Variants in HTR1F observed in about 807,000 individuals in gnomAD.
HTR1F encodes the protein 5-hydroxytryptamine receptor 1F, also known as 5-hydroxytryptamine (serotonin) receptor 1F, G protein-coupled.
HTR1F carries 17 observed loss-of-function variants against 24.0 expected under a neutral mutation model. That is an observed-to-expected ratio of 0.71 (90% CI 0.48 to 1.06). The LOEUF (loss-of-function observed/expected upper bound fraction) is 1.06, where lower values mean the gene tolerates loss of function less well. Ranked by LOEUF, HTR1F falls within the 50% of genes least tolerant of loss-of-function variation. The pLI is 0.00. For synonymous variants in HTR1F, 186 were observed against 156.8 expected (o/e 1.19, Z -1.39); for missense variants, 391 against 427.8 (o/e 0.91, Z 0.76).
intron 2 of HTR1F, among the ~76,000 whole-genome samples, chr3:87,868,352 A>G (rs1705472396): frequency 6.6e-6 from 1 of 152,056 alleles, no homozygotes; most frequent in Non-Finnish European, 1.5e-5. Context: ...TGAAATTTGA[A>G]TTAGATGTGA....
chr3:87,980,589 G>A (rs141790126), intron 2 of HTR1F, among the ~76,000 whole-genome samples: 2 of 152,202 alleles, frequency 1.3e-5, no homozygotes, highest in African/African-American at 4.8e-5. Flanking sequence ...TTGAACATGG[G>A]GTTTCACTGG....
chr3:87,972,535 A>G (rs1239203654), intron 2 of HTR1F, among the ~76,000 whole-genome samples: 3 of 152,196 alleles, frequency 2.0e-5, no homozygotes, highest in Non-Finnish European at 4.4e-5. Flanking sequence ...TCTGCCTTCT[A>G]GACAACTAGA....
At chr3:87,841,718 G>T (rs1474623353) in intron 2 of HTR1F, among the ~76,000 whole-genome samples, 1 of 151,290 alleles carries the variant, frequency 6.6e-6, no homozygotes, top group East Asian at 1.9e-4. Flanking sequence ...TGGCCGACAT[G>T]GTGAAACCCC....
At chr3:87,839,012 A>ATTTTTT (rs1559600487) in intron 2 of HTR1F, among the ~76,000 whole-genome samples, 1 of 142,946 alleles carries the variant, frequency 7.0e-6, no homozygotes, top group Non-Finnish European at 1.5e-5. Context: ...TATTTATTTT[A>ATTTTTT]TTTTTATTTT....
chr3:87,962,485 CTTAA>C (rs1373138528), intron 2 of HTR1F, among the ~76,000 whole-genome samples: 3 of 151,946 alleles, frequency 2.0e-5, no homozygotes, highest in Admixed American at 2.0e-4. Flanking sequence ...CTTCATTATA[CTTAA>C]GTCAACATGT....
At chr3:87,944,096 C>T (rs1386763045) in intron 2 of HTR1F, among the ~76,000 whole-genome samples, 1 of 152,128 alleles carries the variant, frequency 6.6e-6, no homozygotes, top group Non-Finnish European at 1.5e-5. Flanking sequence ...AGTAGTCCTG[C>T]ACCTGTTTTT....
At chr3:87,811,413 A>C (rs923272495) in intron 1 of HTR1F, among the ~76,000 whole-genome samples, 2 of 152,238 alleles carry the variant, frequency 1.3e-5, no homozygotes, top group Admixed American at 6.5e-5. Context: ...AAAAAGTCGA[A>C]ATTAATGGGC....
chr3:87,797,361 C>G (rs1218746006), intron 1 of HTR1F, among the ~76,000 whole-genome samples: 1 of 152,120 alleles, frequency 6.6e-6, no homozygotes, highest in Non-Finnish European at 1.5e-5. Context: ...TATTAGGCAG[C>G]TTTCCATATG....
chr3:87,818,176 A>G (rs2107116329), intron 1 of HTR1F, among the ~76,000 whole-genome samples: 1 of 152,310 alleles, frequency 6.6e-6, no homozygotes, highest in Admixed American at 6.5e-5. Context: ...TACAACCTGC[A>G]AAGAGCTGTG....
chr3:87,973,367 C>A (rs1334525729), intron 2 of HTR1F, among the ~76,000 whole-genome samples: 1 of 152,110 alleles, frequency 6.6e-6, no homozygotes, highest in Non-Finnish European at 1.5e-5. Context: ...TATAACTTTG[C>A]AAATTCTATT....
chr3:87,881,500 A>G (rs1314472809), intron 2 of HTR1F, among the ~76,000 whole-genome samples: 4 of 152,184 alleles, frequency 2.6e-5, no homozygotes, highest in Non-Finnish European at 4.4e-5. Flanking sequence ...CTCTGGGGGC[A>G]GGGAATGGCT....
chr3:87,827,810 G>A (rs868210414), intron 2 of HTR1F, among the ~76,000 whole-genome samples: 1 of 152,120 alleles, frequency 6.6e-6, no homozygotes, highest in Non-Finnish European at 1.5e-5. Context: ...AAAAGGGTGA[G>A]GTGATCTAGG....
chr3:87,903,768 T>G (rs1164811864), intron 2 of HTR1F, among the ~76,000 whole-genome samples: 1 of 152,158 alleles, frequency 6.6e-6, no homozygotes, highest in Non-Finnish European at 1.5e-5. Context: ...AGCCATCCCA[T>G]TACTGGGTAT....
intron 1 of HTR1F, among the ~76,000 whole-genome samples, chr3:87,808,635 T>G (rs1704111130): frequency 6.6e-6 from 1 of 151,924 alleles, no homozygotes; most frequent in Non-Finnish European, 1.5e-5. Flanking sequence ...TCTTTATTAT[T>G]TCTTTCTTTC....
chr3:87,947,586 C>T (rs1017673150), intron 2 of HTR1F, among the ~76,000 whole-genome samples: 2 of 152,052 alleles, frequency 1.3e-5, no homozygotes, highest in African/African-American at 4.8e-5. Context: ...GAGAGAGCAT[C>T]TATAGCATGG....
At chr3:87,846,413 G>A (rs1350933386) in intron 2 of HTR1F, among the ~76,000 whole-genome samples, 1 of 151,332 alleles carries the variant, frequency 6.6e-6, no homozygotes, top group Non-Finnish European at 1.5e-5. Context: ...CTCCACCCTG[G>A]GTGACAGAGC....
intron 2 of HTR1F, among the ~76,000 whole-genome samples, chr3:87,846,006 TCA>T (rs1273839909): frequency 6.6e-6 from 1 of 151,950 alleles, no homozygotes; most frequent in Non-Finnish European, 1.5e-5. Flanking sequence ...GATGGCACAC[TCA>T]CTATGTGCTA....
At chr3:87,912,804 T>C (rs1284685304) in intron 2 of HTR1F, among the ~76,000 whole-genome samples, 1 of 152,078 alleles carries the variant, frequency 6.6e-6, no homozygotes, top group African/African-American at 2.4e-5. Context: ...AATCATCTGA[T>C]CTTTGACAAA....
chr3:87,941,081 G>T (rs79511013), intron 2 of HTR1F, among the ~76,000 whole-genome samples: 1,974 of 152,240 alleles, frequency 0.013, 20 homozygotes, highest in Non-Finnish European at 0.019. Flanking sequence ...GCTTTTTTCT[G>T]TGACATATAA....
Sources: gnomAD v4.1 joint callset for allele counts (sites outside exome capture counted in the v4.1 genomes callset) on GRCh38, gnomAD v4.1.1 for gene constraint, MANE v1.5 for transcripts, NCBI Gene and HGNC (gene_info 2026-07-23, HGNC 2026-07-21) for gene names.